UHMK1: variants seen among roughly 807,000 people sequenced by gnomAD.
The protein encoded by UHMK1 is serine/threonine-protein kinase Kist.
UHMK1 carries 18 observed loss-of-function variants against 44.0 expected under a neutral mutation model. The ratio of observed to expected loss-of-function variants is 0.41; its 90% CI spans 0.28 to 0.61. UHMK1 has a LOEUF of 0.61. UHMK1 is among the 20% of genes least tolerant of loss of function. The pLI, the probability that UHMK1 is intolerant of heterozygous loss-of-function variation, is 0.31. For missense variants in UHMK1, 463 were observed against 522.5 expected (o/e 0.89, Z 1.11); for synonymous variants, 231 against 198.5 (o/e 1.16, Z -1.38).
chr1:162,498,027 C>T lies in UHMK1; in HGVS notation c.27C>T (p.Gly9=), dbSNP rs774266927. 8.7e-5 allele frequency: 139 copies of T among 1,595,880 alleles called. 1 individual carries two copies. The highest frequency in any genetic ancestry group is 1.2e-4 in the Non-Finnish European group (137 of 1,169,870). The change falls in exon 1 of 8, where the codon GGC becomes GGT. Residue 9 remains glycine (G), a synonymous_variant. Coordinates refer to ENST00000489294, the MANE Select transcript of UHMK1 (RefSeq NM_175866.5). MAGSGCAW[G]AEPPRFLEAF... is the part of the protein sequence containing the mutation. ...TGGCGGGATCCGGCTGCGCCTGGGGCGCGGAGCCGCCGCGTTTTCTGGAGG... is the reference window on the plus strand; with the variant it reads ...TGGCGGGATCCGGCTGCGCCTGGGGTGCGGAGCCGCCGCGTTTTCTGGAGG...
intron 4 of UHMK1, among the ~76,000 whole-genome samples, chr1:162,511,050 A>G (rs1251624352): frequency 6.6e-6 from 1 of 151,912 alleles, no homozygotes; most frequent in Non-Finnish European, 1.5e-5. Flanking sequence ...AGCGATATTG[A>G]GCATTTCTCA....
rs1415391725 is a variant in UHMK1, at chr1:162,497,976, G to A, written c.-25G>A. 1.3e-6 allele frequency: 2 copies of A among 1,487,334 alleles called. No homozygotes were observed. Among genetic ancestry groups the A allele is most frequent in the South Asian group, 2.7e-5 (2 of 74,638 alleles). The allele number at this position is 1,487,334 out of a possible 1,614,324, so 92.1% of individuals were successfully genotyped here. The stretch of plus-strand genomic sequence containing the variant: ...TGCCTCAGGCGTCGCGTCAGCTCCC[G>A]TGTCCGTGCCCTTAACCCACACCGA... On this transcript the variant is annotated 5_prime_UTR_variant, in exon 1 of 8. The change creates a new upstream start codon in the 5' untranslated region. Transcript: ENST00000489294.
rs1205163043 is a variant in UHMK1 at position 162,522,507 on chromosome 1, T to C, written c.1217T>C (p.Leu406Pro). 2.5e-6 allele frequency: 4 copies of C among 1,614,230 alleles called. No individual in the cohort carries two copies. Among genetic ancestry groups the C allele is most frequent in the Non-Finnish European group, 3.4e-6 (4 of 1,180,042 alleles). The change falls in exon 8 of 8, where the codon CTG becomes CCG. Residue 406 changes from leucine (L) to proline (P), a missense_variant. Coordinates refer to ENST00000489294, the MANE Select transcript of UHMK1 (RefSeq NM_175866.5). ...GKFVVATFYP[L>P]SAYKRGYLYQ... ...TTTGTTGTGGCTACATTCTACCCGCTGAGTGCCTACAAGAGGGGATATCTG... is the reference window on the plus strand; with the variant it reads ...TTTGTTGTGGCTACATTCTACCCGCCGAGTGCCTACAAGAGGGGATATCTG...
At chr1:162,502,258 C>T (rs1651297682) in intron 3 of UHMK1, among the ~76,000 whole-genome samples, 1 of 152,154 alleles carries the variant, frequency 6.6e-6, no homozygotes, top group African/African-American at 2.4e-5. Flanking sequence ...TGATACTAAG[C>T]AACAAGTGTT....
Position 162,500,255 on chromosome 1 carries a change from A to G in UHMK1, c.561+8A>G, listed in dbSNP as rs779722720. On this transcript the variant is annotated splice_region_variant and intron_variant, in intron 2 of 7. Coordinates refer to ENST00000489294, the MANE Select transcript of UHMK1 (RefSeq NM_175866.5). ...TTCAAAGAAGGCAATCAGGTAAGAA[A>G]TAACCTTTTCTTTTCTCTCGCAGTT... 8.1e-6 allele frequency: 13 copies of G among 1,602,502 alleles called. No homozygotes were observed. The highest frequency in any genetic ancestry group is 1.7e-4 in the Middle Eastern group (1 of 5,834).
At position 162,500,127 on chromosome 1, in the gene UHMK1, T is replaced by C; in HGVS notation, c.441T>C (p.Ala147=). ...HCARDVLEAL[A]FLHHEGYVHA... ...CCCGAGATGTTTTGGAGGCCCTTGC[T>C]TTTCTTCATCATGAGGGCTATGTCC... The change falls in exon 2 of 8, where the codon GCT becomes GCC. Residue 147 remains alanine (A), a synonymous_variant. Transcript: ENST00000489294. 6.2e-7 allele frequency: 1 copy of C among 1,614,218 alleles called. No homozygotes were observed. Among genetic ancestry groups the C allele is most frequent in the Non-Finnish European group, 8.5e-7 (1 of 1,180,044 alleles).
At chr1:162,500,741 G>A in intron 2 of UHMK1, 172 bp from the exon 3 acceptor site, 1 of 613,482 alleles carries the variant, frequency 1.6e-6, no homozygotes, top group Non-Finnish European at 2.8e-6. Flanking sequence ...GCTTGCCTCT[G>A]AGAACTGCCC....
chr1:162,512,409 T>C, intron 4 of UHMK1, 91 bp from the exon 5 acceptor site: 1 of 970,594 alleles, frequency 1.0e-6, no homozygotes, highest in Non-Finnish European at 1.6e-6. Context: ...ATTAATGCTG[T>C]GATGAACATT....
chr1:162,505,686 G>A (rs896064322), intron 4 of UHMK1, among the ~76,000 whole-genome samples: 6 of 152,190 alleles, frequency 3.9e-5, no homozygotes, highest in Admixed American at 6.5e-5. Context: ...GTATATGACT[G>A]TATTATTAAA....
At chr1:162,511,706 C>G (rs1651675398) in intron 4 of UHMK1, among the ~76,000 whole-genome samples, 2 of 152,026 alleles carry the variant, frequency 1.3e-5, no homozygotes, top group South Asian at 4.2e-4. Context: ...CTCTTGTTTT[C>G]TTCTAGTAGT....
intron 4 of UHMK1, among the ~76,000 whole-genome samples, chr1:162,511,685 G>A (rs10919553): frequency 0.46 from 69,417 of 151,942 alleles, 15,899 homozygotes; most frequent in East Asian, 0.47. Flanking sequence ...GAACAATGTT[G>A]TGCAGCTTTT....
intron 6 of UHMK1, among the ~76,000 whole-genome samples, chr1:162,516,181 G>C (rs550704123): frequency 8.5e-5 from 13 of 152,078 alleles, no homozygotes; most frequent in African/African-American, 2.7e-4. Context: ...TGTTGCTATT[G>C]AATCTTAGTG....
intron 1 of UHMK1, among the ~76,000 whole-genome samples, chr1:162,499,237 G>A (rs1651181300): frequency 1.3e-5 from 2 of 151,822 alleles, no homozygotes; most frequent in Admixed American, 6.6e-5. Flanking sequence ...GTACAATGGC[G>A]AGATCACAGT....
At position 162,521,316 on chromosome 1, in the gene UHMK1, A is replaced by G. The variant is rs562174351; in HGVS notation, c.1114-1088A>G. ...GTATAGAAAAGTATAGCCTATCTGA[A>G]GCAAGGAGTATGATAGAAAACATGA... is the stretch of plus-strand genomic sequence containing the variant. On this transcript the variant is annotated intron_variant, in intron 7 of 7. Transcript: ENST00000489294. Among the ~76,000 whole-genome samples the G allele has an allele frequency of 2.6e-5, 4 of 152,362 alleles. No individual in the cohort carries two copies. The South Asian group carries it at 8.3e-4, about 32-fold the overall frequency.
intron 4 of UHMK1, among the ~76,000 whole-genome samples, chr1:162,508,698 T>G (rs1228379897): frequency 6.6e-6 from 1 of 150,570 alleles, no homozygotes; most frequent in African/African-American, 2.4e-5. Context: ...CAGGACTCTG[T>G]CTTCAAAAAA....
In UHMK1 at chr1:162,497,889, G is replaced by T; in HGVS notation, c.-112G>T. ...CCCGGGAGTCGGTGAGGCGGCTGCA[G>T]GTCCCTCCCTGCGGAGCCGCTGGTC... On this transcript the variant is annotated 5_prime_UTR_variant, in exon 1 of 8. It adds an upstream start codon to the 5' untranslated region. Transcript: ENST00000489294. 1 of 1,414,820 alleles carries T rather than the reference G, an allele frequency of 7.1e-7. No individual in the cohort carries two copies. Among genetic ancestry groups the T allele is most frequent in the Non-Finnish European group, 9.2e-7 (1 of 1,090,280 alleles). The allele number at this position is 1,414,820 out of a possible 1,614,324, so 87.6% of individuals were successfully genotyped here.
In UHMK1 at chr1:162,523,018, T is replaced by C. The variant is rs905292373; in HGVS notation, c.*468T>C. 8 of 157,142 alleles carry C rather than the reference T, an allele frequency of 5.1e-5. No homozygotes were observed. The highest frequency in any genetic ancestry group is 1.9e-4 in the African/African-American group (8 of 41,484). 9.7% of individuals were successfully genotyped at this position (157,142 alleles called of 1,614,324 possible). On this transcript the variant is annotated 3_prime_UTR_variant, in exon 8 of 8. Transcript: ENST00000489294. ...GATGCTCTCAGTAATGTTAAGTAAT[T>C]GTCAAGCAGCAGTTACCTACTGTGT... is the stretch of plus-strand genomic sequence containing the variant.
intron 4 of UHMK1, among the ~76,000 whole-genome samples, chr1:162,510,290 G>A (rs921313498): frequency 6.6e-6 from 1 of 152,122 alleles, no homozygotes; most frequent in Non-Finnish European, 1.5e-5. Flanking sequence ...ACCATGTTGT[G>A]CAGTAGATCT....
chr1:162,522,181 T>C (rs892194798), intron 7 of UHMK1, among the ~76,000 whole-genome samples: 2 of 152,200 alleles, frequency 1.3e-5, no homozygotes, highest in African/African-American at 4.8e-5. Context: ...TGAGGAAGTA[T>C]TCTAAACCTT....
Sources: allele counts gnomAD v4.1 joint callset (sites outside exome capture counted in the v4.1 genomes callset), GRCh38; gene constraint gnomAD v4.1.1; transcripts MANE v1.5; gene names NCBI Gene and HGNC (gene_info 2026-07-23, HGNC 2026-07-21).